Variants in ADORA2B observed in about 807,000 individuals in gnomAD.
ADORA2B encodes adenosine A2b receptor, also known as adenosine receptor A2b.
A neutral mutation model predicts 20.8 loss-of-function variants in ADORA2B; 18 were observed. The ratio of observed to expected loss-of-function variants is 0.87; its 90% CI spans 0.60 to 1.29. The LOEUF is 1.29. ADORA2B is among the 50% of genes most tolerant of loss of function. The pLI, the probability that ADORA2B is intolerant of heterozygous loss-of-function variation, is 0.00. For missense variants in ADORA2B, 441 were observed against 422.7 expected (o/e 1.04, Z -0.38); for synonymous variants, 179 against 178.3 (o/e 1.00, Z -0.03).
the ADORA2B span, among the ~76,000 whole-genome samples, chr17:15,884,796 G>A: frequency 9.9e-3 from 1,511 of 152,188 alleles, 23 homozygotes; most frequent in African/African-American, 0.034. Context: ...TATATGTACC[G>A]TATTCTCTTT....
chr17:15,882,733 A>G, the ADORA2B span, among the ~76,000 whole-genome samples: 1 of 150,912 alleles, frequency 6.6e-6, no homozygotes, highest in African/African-American at 2.5e-5. Flanking sequence ...AAGGAAAAAC[A>G]GGATTTTCAA....
chr17:15,921,473 G>A, the ADORA2B span, among the ~76,000 whole-genome samples: 17 of 152,130 alleles, frequency 1.1e-4, no homozygotes, highest in East Asian at 1.9e-4. Flanking sequence ...TTCTGTAATC[G>A]TGTAAATGTT....
chr17:15,861,100 A>G, the ADORA2B span: 1 of 152,264 alleles, frequency 6.6e-6, no homozygotes, highest in African/African-American at 2.4e-5. Flanking sequence ...ATTGACTTCG[A>G]CAAATACTTG....
chr17:15,971,222 C>T (rs992933919), intron 1 of ADORA2B, among the ~76,000 whole-genome samples: 3 of 152,208 alleles, frequency 2.0e-5, no homozygotes, highest in African/African-American at 4.8e-5. Flanking sequence ...CTTAGGACTC[C>T]GCCTTTGGGA....
chr17:15,972,455 G>A (rs949049343), intron 1 of ADORA2B, among the ~76,000 whole-genome samples: 3 of 152,124 alleles, frequency 2.0e-5, no homozygotes, highest in Non-Finnish European at 2.9e-5. Context: ...ATGTATTATG[G>A]ACCAGTTGTT....
the ADORA2B span, among the ~76,000 whole-genome samples, chr17:15,897,085 T>A: frequency 6.6e-6 from 1 of 151,968 alleles, no homozygotes; most frequent in Non-Finnish European, 1.5e-5. Context: ...GAATTCCAGA[T>A]GAAAAGGATA....
the ADORA2B span, among the ~76,000 whole-genome samples, chr17:15,866,805 T>A: frequency 1.2e-3 from 183 of 151,782 alleles, no homozygotes; most frequent in Middle Eastern, 0.014. Flanking sequence ...ACCCTCTGCC[T>A]CTCTTTCCAC....
the ADORA2B span, among the ~76,000 whole-genome samples, chr17:15,896,674 C>T: frequency 1.3e-4 from 20 of 152,190 alleles, no homozygotes; most frequent in Non-Finnish European, 2.5e-4. Flanking sequence ...CAGAGTGTCT[C>T]CTCTCCATGC....
At chr17:15,882,574 G>C in the ADORA2B span, among the ~76,000 whole-genome samples, 1 of 152,204 alleles carries the variant, frequency 6.6e-6, no homozygotes, top group Middle Eastern at 3.4e-3. Context: ...GTGAGACCCT[G>C]TCTCTAAAAC....
At chr17:15,902,971 G>A in the ADORA2B span, among the ~76,000 whole-genome samples, 3 of 152,214 alleles carry the variant, frequency 2.0e-5, 1 homozygote. Flanking sequence ...TTGTGATCTG[G>A]GAGGTGATTA....
the ADORA2B span, among the ~76,000 whole-genome samples, chr17:15,936,764 C>A: frequency 6.6e-6 from 1 of 152,072 alleles, no homozygotes; most frequent in Non-Finnish European, 1.5e-5. Context: ...GAGACCAGGC[C>A]GGAAAACAAA....
chr17:15,922,554 G>A, the ADORA2B span, among the ~76,000 whole-genome samples: 1 of 152,078 alleles, frequency 6.6e-6, no homozygotes, highest in African/African-American at 2.4e-5. Flanking sequence ...ATTATACTGG[G>A]GCAAAGGTGT....
chr17:15,904,672 G>A, the ADORA2B span, among the ~76,000 whole-genome samples: 11 of 152,034 alleles, frequency 7.2e-5, no homozygotes, highest in African/African-American at 2.2e-4. Context: ...CACCGCGCCC[G>A]GCCTGTACTT....
At chr17:15,897,918 A>G in the ADORA2B span, among the ~76,000 whole-genome samples, 1 of 152,154 alleles carries the variant, frequency 6.6e-6, no homozygotes, top group Non-Finnish European at 1.5e-5. Context: ...AGAAAAATAT[A>G]TATTTCTTCA....
chr17:15,911,982 G>A, the ADORA2B span, among the ~76,000 whole-genome samples: 1 of 152,262 alleles, frequency 6.6e-6, no homozygotes, highest in Non-Finnish European at 1.5e-5. Flanking sequence ...GGAGGCCAAC[G>A]CGGGTGGATC....
intron 1 of ADORA2B, among the ~76,000 whole-genome samples, chr17:15,963,429 G>A (rs962788493): frequency 1.3e-5 from 2 of 152,138 alleles, no homozygotes; most frequent in South Asian, 4.1e-4. Context: ...TGTTTATGGC[G>A]GCTGATGCTT....
At position 15,945,284 on chromosome 17, in the gene ADORA2B, G is replaced by T. The variant is rs73274391; in HGVS notation, c.36G>T (p.Ala12=). The T allele has an allele frequency of 4.5e-3, 6,835 of 1,533,808 alleles. 225 individuals carry two copies. In the African/African-American group the frequency reaches 0.079, roughly 18 times the overall value. The change falls in exon 1 of 2, where the codon GCG becomes GCT. Residue 12 remains alanine, a synonymous_variant. Coordinates refer to ENST00000304222, the MANE Select transcript of ADORA2B (RefSeq NM_000676.4). ...AGACACAGGACGCGCTGTACGTGGC[G>T]CTGGAGCTGGTCATCGCCGCGCTTT... ...LLETQDALYV[A]LELVIAALSV... is the part of the protein sequence containing the mutation.
the ADORA2B span, among the ~76,000 whole-genome samples, chr17:15,869,928 G>A: frequency 1.3e-5 from 2 of 152,156 alleles, no homozygotes; most frequent in Non-Finnish European, 2.9e-5. Context: ...TAATAAAAGT[G>A]ATCATTTTAT....
chr17:15,908,314 C>G, the ADORA2B span, among the ~76,000 whole-genome samples: 1 of 152,156 alleles, frequency 6.6e-6, no homozygotes, highest in Non-Finnish European at 1.5e-5. Context: ...GGCAGGAGGG[C>G]AGGTCTTCCG....
Sources: gnomAD v4.1 joint callset for allele counts (sites outside exome capture counted in the v4.1 genomes callset) on GRCh38, gnomAD v4.1.1 for gene constraint, MANE v1.5 for transcripts, NCBI Gene and HGNC (gene_info 2026-07-23, HGNC 2026-07-21) for gene names.